BCAS3: variants seen among roughly 807,000 people sequenced by gnomAD.
BCAS3 encodes BCAS3 microtubule associated cell migration factor.
BCAS3 carries 53 observed loss-of-function variants against 116.1 expected under a neutral mutation model. That is an observed-to-expected ratio of 0.46 (90% CI 0.37 to 0.57). The LOEUF (loss-of-function observed/expected upper bound fraction) is 0.57, where lower values mean the gene tolerates loss of function less well. Among genes scored for constraint, BCAS3 ranks in the 20% least tolerant of loss-of-function variants. The pLI, the probability that BCAS3 is intolerant of heterozygous loss-of-function variation, is 0.00. For missense variants in BCAS3, 917 were observed against 1,165.4 expected (o/e 0.79, Z 3.10); for synonymous variants, 391 against 408.2 (o/e 0.96, Z 0.51).
chr17:60,750,936 C>A (rs920663274), intron 6 of BCAS3, among the ~76,000 whole-genome samples: 3 of 152,144 alleles, frequency 2.0e-5, no homozygotes, highest in African/African-American at 7.2e-5. Context: ...GCTACATTTG[C>A]AGGCTGTTTT....
intron 16 of BCAS3, among the ~76,000 whole-genome samples, chr17:61,018,812 G>A (rs1021563997): frequency 1.3e-5 from 2 of 152,084 alleles, no homozygotes; most frequent in Non-Finnish European, 2.9e-5. Flanking sequence ...CTGTAGTACA[G>A]TTATCAGAAG....
chr17:61,228,915 C>T lies in BCAS3; in HGVS notation c.2426-139412C>T, dbSNP rs538671632. On this transcript the variant is annotated intron_variant, in intron 22 of 23. Coordinates refer to ENST00000407086, the MANE Select transcript of BCAS3 (RefSeq NM_017679.5). The surrounding 1 kb of genome is among the most constrained non-coding windows in gnomAD (Gnocchi z 5.0). ...AGTGAGAAAAGCATGTCAAAAGCCA[C>T]GACAGGCTGAAAGCTAGTCCTCTTG... Among the ~76,000 whole-genome samples, 9 of 152,290 alleles carry T rather than the reference C, an allele frequency of 5.9e-5. 1 individual carries two copies. Among genetic ancestry groups the T allele is most frequent in the African/African-American group, 9.6e-5 (4 of 41,558 alleles).
Position 61,349,406 on chromosome 17 carries a change from T to C in BCAS3, c.2426-18921T>C, listed in dbSNP as rs146820880. 3.9e-5 allele frequency among the ~76,000 whole-genome samples: 6 copies of C among 152,316 alleles called. No homozygotes were observed. The East Asian group carries it at 1.2e-3, about 29-fold the overall frequency. On this transcript the variant is annotated intron_variant, in intron 22 of 23. Coordinates refer to ENST00000407086, the MANE Select transcript of BCAS3 (RefSeq NM_017679.5). This position sits in a 1 kb window ranked among gnomAD's most constrained non-coding sequence, Gnocchi z 4.7. The stretch of plus-strand genomic sequence containing the variant: ...CCTCAGATGTGTGGGATGGAAATGC[T>C]AACCCACTGACCGAACAGAGTTTCT...
At chr17:61,165,336 A>G (rs1426914697) in intron 22 of BCAS3, among the ~76,000 whole-genome samples, 3 of 152,118 alleles carry the variant, frequency 2.0e-5, no homozygotes, top group Non-Finnish European at 4.4e-5. Flanking sequence ...GGCCACATAT[A>G]TTTTCAGTAG....
rs374877830 is a variant in BCAS3 at position 60,799,807 on chromosome 17, C to T, written c.404-8197C>T. Among the ~76,000 whole-genome samples the T allele has an allele frequency of 8.2e-5, 12 of 146,748 alleles. No individual in the cohort carries two copies. The South Asian group carries it at 2.6e-3, about 32-fold the overall frequency. On this transcript the variant is annotated intron_variant, in intron 6 of 23. Coordinates refer to ENST00000407086, the MANE Select transcript of BCAS3 (RefSeq NM_017679.5). ...CTGACCTCAAATGATCTGCCTGCCT[C>T]GGCCTCCCAAAGTGCTGGGATTATA...
intron 22 of BCAS3, among the ~76,000 whole-genome samples, chr17:61,232,571 T>C (rs9904929): frequency 1 from 151,836 of 152,220 alleles, 75,727 homozygotes; most frequent in Non-Finnish European, 1. Context: ...CTAGTCCTGC[T>C]TTGAGAACCC....
At chr17:61,299,303 C>T (rs921567759) in intron 22 of BCAS3, among the ~76,000 whole-genome samples, 4 of 151,422 alleles carry the variant, frequency 2.6e-5, no homozygotes, top group African/African-American at 7.3e-5. Flanking sequence ...ATTAGCCTGG[C>T]GTGGTGGTGG....
At position 60,962,316 on chromosome 17, in the gene BCAS3, T is replaced by C. The variant is rs1321117331; in HGVS notation, c.1221+14964T>C. 1.3e-5 allele frequency among the ~76,000 whole-genome samples: 2 copies of C among 152,138 alleles called. No homozygotes were observed. The highest frequency in any genetic ancestry group is 2.4e-5 in the African/African-American group (1 of 41,440). On this transcript the variant is annotated intron_variant, in intron 14 of 23. Transcript: ENST00000407086. This position sits in a 1 kb window ranked among gnomAD's most constrained non-coding sequence, Gnocchi z 4.4. ...CATTTCCACCAGCAGTGTGCAAGGG[T>C]CTCTTCTCCACATTCTCACCAGCAT...
intron 19 of BCAS3, among the ~76,000 whole-genome samples, chr17:61,072,660 A>G (rs1219475694): frequency 1.4e-5 from 2 of 147,612 alleles, no homozygotes; most frequent in Non-Finnish European, 3.0e-5. Flanking sequence ...CCATCATATT[A>G]CTCGAGCTTT....
intron 14 of BCAS3, among the ~76,000 whole-genome samples, chr17:60,971,444 C>T (rs548308374): frequency 1.3e-5 from 2 of 152,204 alleles, no homozygotes; most frequent in African/African-American, 4.8e-5. Flanking sequence ...CACAGTTGGC[C>T]CACCGACATA....
intron 19 of BCAS3, among the ~76,000 whole-genome samples, chr17:61,045,867 AT>A (rs1409194506): frequency 1.8e-3 from 41 of 22,188 alleles, no homozygotes; most frequent in Admixed American, 2.4e-3. Flanking sequence ...ATATATATAA[AT>A]ATATATAAAT....
In BCAS3 at chr17:61,095,764, A is replaced by G. The variant is rs1460744503; in HGVS notation, c.2425+11200A>G. 3.3e-5 allele frequency among the ~76,000 whole-genome samples: 5 copies of G among 151,382 alleles called. No individual in the cohort carries two copies. Among genetic ancestry groups the G allele is most frequent in the Non-Finnish European group, 7.4e-5 (5 of 67,856 alleles). On this transcript the variant is annotated intron_variant, in intron 22 of 23. Coordinates refer to ENST00000407086, the MANE Select transcript of BCAS3 (RefSeq NM_017679.5). The surrounding 1 kb of genome is among the most constrained non-coding windows in gnomAD (Gnocchi z 4.7). The stretch of plus-strand genomic sequence containing the variant: ...TTACAGGTATTAGCCACCGCACCTG[A>G]CTGGGGTCCTGAGTTTTTTTAAGCA...
At chr17:60,821,377 A>G (rs1449856110) in intron 7 of BCAS3, among the ~76,000 whole-genome samples, 3 of 152,222 alleles carry the variant, frequency 2.0e-5, no homozygotes, top group African/African-American at 4.8e-5. Context: ...TTGAAATTCA[A>G]TGAACTATAC....
chr17:61,094,397 G>A, intron 22 of BCAS3, among the ~76,000 whole-genome samples: 1 of 152,046 alleles, frequency 6.6e-6, no homozygotes, highest in East Asian at 1.9e-4. Context: ...ATGGGCATTT[G>A]GCAGAAATTT....
chr17:60,813,898 T>G (rs1350201106), intron 7 of BCAS3, among the ~76,000 whole-genome samples: 1 of 152,228 alleles, frequency 6.6e-6, no homozygotes, highest in East Asian at 1.9e-4. Flanking sequence ...TATCTGTTTT[T>G]GTGCTGGCAC....
Position 61,153,734 on chromosome 17 carries a change from CGTTT to C in BCAS3, c.2425+69176_2425+69179del, listed in dbSNP as rs546004884. ...TGTATCATTTTTTTTCTTGTTTTTT[CGTTT>C]GTTTGGCTAAACTTTGCTGTTTACC... On this transcript the variant is annotated intron_variant, in intron 22 of 23. Transcript: ENST00000407086. Among the ~76,000 whole-genome samples the C allele has an allele frequency of 1.9e-3, 290 of 151,892 alleles. 1 individual carries two copies. Among genetic ancestry groups the C allele is most frequent in the Non-Finnish European group, 2.9e-3 (197 of 67,934 alleles).
chr17:61,175,311 G>A (rs1196867574), intron 22 of BCAS3, among the ~76,000 whole-genome samples: 1 of 152,026 alleles, frequency 6.6e-6, no homozygotes, highest in Non-Finnish European at 1.5e-5. Context: ...GGAGACTGAG[G>A]CAGGAGGATC....
intron 14 of BCAS3, among the ~76,000 whole-genome samples, chr17:60,955,177 T>G (rs541920414): frequency 3.9e-5 from 6 of 152,278 alleles, no homozygotes; most frequent in Non-Finnish European, 7.4e-5. Flanking sequence ...ATTTTTTTCC[T>G]TGGACCATTT....
intron 13 of BCAS3, among the ~76,000 whole-genome samples, chr17:60,944,340 C>CAAAGAA (rs2060374792): frequency 6.6e-6 from 1 of 151,738 alleles, no homozygotes; most frequent in Non-Finnish European, 1.5e-5. Flanking sequence ...AGTAATTCAT[C>CAAAGAA]AAAGAAGAAA....
Sources: gnomAD v4.1 joint callset for allele counts (sites outside exome capture counted in the v4.1 genomes callset) on GRCh38, gnomAD v4.1.1 for gene constraint, Gnocchi (gnomAD v3.1) non-coding constraint, MANE v1.5 for transcripts, NCBI Gene and HGNC (gene_info 2026-07-23, HGNC 2026-07-21) for gene names.